CA12: variants seen among roughly 807,000 people sequenced by gnomAD.
The protein encoded by CA12 is carbonic anhydrase 12.
Under a neutral mutation model 46.8 loss-of-function variants are expected in CA12, and 36 were observed. That is an observed-to-expected ratio of 0.77 (90% CI 0.59 to 1.02). CA12 has a LOEUF of 1.02. Ranked by LOEUF, CA12 falls within the 50% of genes least tolerant of loss-of-function variation. CA12 has a pLI of 0.00. For missense variants in CA12, 436 were observed against 451.4 expected, an observed-to-expected ratio of 0.97 and a Z score of 0.31; for synonymous variants, 202 against 187.0, an observed-to-expected ratio of 1.08 and a Z score of -0.65.
chr15:63,365,420 A>T (rs1323830901), intron 2 of CA12, among the ~76,000 whole-genome samples: 2 of 152,228 alleles, frequency 1.3e-5, no homozygotes, highest in Non-Finnish European at 2.9e-5. Context: ...AAGAGGCCCA[A>T]GTTCTGACTC....
rs575625791 is a variant in CA12, at chr15:63,340,635, C to G, written c.589+85G>C. On this transcript the variant is annotated intron_variant, in intron 6 of 10. Transcript: ENST00000178638. This position sits in a 1 kb window ranked among gnomAD's most constrained non-coding sequence, Gnocchi z 4.4. Reference sequence around the variant, plus strand: ...TGGTGAACACAGACAGCACCTGCCCCTTGTGTTTGCTTTTCTTAAAGTCAC... The same window carrying G: ...TGGTGAACACAGACAGCACCTGCCCGTTGTGTTTGCTTTTCTTAAAGTCAC... 6.8e-7 allele frequency: 1 copy of G among 1,467,402 alleles called. No homozygotes were observed. The highest frequency in any genetic ancestry group is 1.4e-5 in the African/African-American group (1 of 72,002). The allele number at this position is 1,467,402 out of a possible 1,614,324, so 90.9% of individuals were successfully genotyped here. A position where few individuals can be genotyped will look rare whatever the true frequency, so the allele number is the denominator to read the frequency against.
chr15:63,364,577 C>A (rs1355846861), intron 2 of CA12, among the ~76,000 whole-genome samples: 1 of 152,120 alleles, frequency 6.6e-6, no homozygotes, highest in Non-Finnish European at 1.5e-5. Flanking sequence ...GGGATGTGGG[C>A]GCTCCTCTTC....
chr15:63,324,680 C>T lies in CA12; in HGVS notation c.*1605G>A, dbSNP rs1158421701. 7.3e-6 allele frequency: 1 copy of T among 137,598 alleles called. No homozygotes were observed. The highest frequency in any genetic ancestry group is 8.0e-5 in the Admixed American group (1 of 12,572). The allele number at this position is 137,598 out of a possible 1,614,324, so 8.5% of individuals were successfully genotyped here. ...ATCGTTGTGAAAAGTTGTGATGGTA[C>T]AGAATAATTTTTTTTTTTTTTTTTT... On this transcript the variant is annotated 3_prime_UTR_variant, in exon 11 of 11. Transcript: ENST00000178638.
intron 8 of CA12, among the ~76,000 whole-genome samples, chr15:63,332,636 A>T (rs2038951102): frequency 6.6e-6 from 1 of 152,234 alleles, no homozygotes; most frequent in South Asian, 2.1e-4. Context: ...TTCCTCCCAG[A>T]CCTTCAAAAC....
At chr15:63,359,055 TTTG>T (rs1164765927) in intron 2 of CA12, among the ~76,000 whole-genome samples, 2 of 151,964 alleles carry the variant, frequency 1.3e-5, no homozygotes, top group African/African-American at 4.8e-5. Flanking sequence ...TCACGGTGGT[TTTG>T]TTGTTGGCCC....
At position 63,329,941 on chromosome 15, in the gene CA12, T is replaced by C. The variant is rs1469861023; in HGVS notation, c.875-1811A>G. Among the ~76,000 whole-genome samples, 1 of 152,230 alleles carries C rather than the reference T, an allele frequency of 6.6e-6. No homozygotes were observed. Among genetic ancestry groups the C allele is most frequent in the Non-Finnish European group, 1.5e-5 (1 of 68,030 alleles). On this transcript the variant is annotated intron_variant, in intron 8 of 10. Transcript: ENST00000178638. The surrounding 1 kb of genome is among the most constrained non-coding windows in gnomAD (Gnocchi z 4.8). ...TCACATTGAACCTGCAGAGCCTCCC[T>C]GGTCCAAGGCTGGGCCCTGGGGGTT...
Position 63,328,418 on chromosome 15 carries a change from C to G in CA12, c.875-288G>C, listed in dbSNP as rs1274060191. Among the ~76,000 whole-genome samples the G allele has an allele frequency of 6.6e-6, 1 of 150,946 alleles. No individual in the cohort carries two copies. The highest frequency in any genetic ancestry group is 1.5e-5 in the Non-Finnish European group (1 of 67,920). The stretch of plus-strand genomic sequence containing the variant: ...GTGGTGCGATCTTGGCTCACTTCAA[C>G]CTCCGCCTCCTGGGTTCAAGCAATT... On this transcript the variant is annotated intron_variant, in intron 8 of 10. Coordinates refer to ENST00000178638, the MANE Select transcript of CA12 (RefSeq NM_001218.5). The surrounding 1 kb of genome is among the most constrained non-coding windows in gnomAD (Gnocchi z 5.9).
At chr15:63,361,834 C>T (rs147441595) in intron 2 of CA12, among the ~76,000 whole-genome samples, 67 of 152,318 alleles carry the variant, frequency 4.4e-4, no homozygotes, top group Middle Eastern at 3.4e-3. Flanking sequence ...TCAGGGAGCA[C>T]TGATCACACA....
chr15:63,381,620 C>T lies in CA12; in HGVS notation c.85+16G>A, dbSNP rs371177561. On this transcript the variant is annotated intron_variant, in intron 1 of 10. Transcript: ENST00000178638. ...GCGCTCAGGAGTGTTAGGAAAGAAG[C>T]AGGCGGAAACTTTACCGTTCACTGG... 106 of 1,605,798 alleles carry T rather than the reference C, an allele frequency of 6.6e-5. 3 individuals carry two copies. The Admixed American group carries it at 1.2e-3, about 18-fold the overall frequency.
At chr15:63,342,650 C>G (rs910114107) in intron 4 of CA12, among the ~76,000 whole-genome samples, 2 of 152,056 alleles carry the variant, frequency 1.3e-5, no homozygotes, top group African/African-American at 2.4e-5. Flanking sequence ...TGTCCAACTC[C>G]CTCTTCCCAT....
intron 1 of CA12, among the ~76,000 whole-genome samples, chr15:63,377,492 AAAG>A: frequency 6.6e-6 from 1 of 152,244 alleles, no homozygotes; most frequent in Middle Eastern, 3.4e-3. Flanking sequence ...TTTTTAAAAA[AAAG>A]CCGGTTTAAT....
chr15:63,363,832 T>A (rs938335838), intron 2 of CA12, among the ~76,000 whole-genome samples: 1 of 152,156 alleles, frequency 6.6e-6, no homozygotes, highest in African/African-American at 2.4e-5. Flanking sequence ...AAGGGATGGG[T>A]CGCTCCCTGC....
In CA12 at chr15:63,340,013, C is replaced by A. The variant is rs561490355; in HGVS notation, c.747+275G>T. 84 of 454,070 alleles carry A rather than the reference C, an allele frequency of 1.8e-4. 2 individuals are homozygous for A. The highest frequency in any genetic ancestry group is 1.7e-3 in the South Asian group (81 of 47,668). 28.1% of individuals were successfully genotyped at this position (454,070 alleles called of 1,614,324 possible). On this transcript the variant is annotated intron_variant, in intron 7 of 10. Coordinates refer to ENST00000178638, the MANE Select transcript of CA12 (RefSeq NM_001218.5). The surrounding 1 kb of genome is among the most constrained non-coding windows in gnomAD (Gnocchi z 4.4). ...CTCTCTCCTGCCTGGGAAGTGAATACCACCCAGCCACTGAGGATATATTAG... is the reference window on the plus strand; with the variant it reads ...CTCTCTCCTGCCTGGGAAGTGAATAACACCCAGCCACTGAGGATATATTAG...
In CA12 at chr15:63,340,415, A is replaced by G. The variant is rs377498869; in HGVS notation, c.620T>C (p.Ile207Thr). 8 of 1,614,042 alleles carry G rather than the reference A, an allele frequency of 5.0e-6. No individual in the cohort carries two copies. Among genetic ancestry groups the G allele is most frequent in the Non-Finnish European group, 6.8e-6 (8 of 1,180,042 alleles). Residue 207 changes from isoleucine (I) to threonine (T), a missense_variant, in exon 7 of 11, where the codon ATT becomes ACT. Ile to Thr is a moderately conservative substitution (Grantham distance 89). Coordinates refer to ENST00000178638, the MANE Select transcript of CA12 (RefSeq NM_001218.5). This position sits in a 1 kb window ranked among gnomAD's most constrained non-coding sequence, Gnocchi z 4.4. ...GQEAFVPGFN[I>T]EELLPERTAE... ...GGTCCTCTCCGGAAGCAGCTCTTCA[A>G]TGTTGAATCCCGGGACGAATGCTTC...
intron 2 of CA12, 136 bp from the exon 3 acceptor site, chr15:63,346,845 G>C: frequency 9.8e-7 from 1 of 1,017,068 alleles, no homozygotes; most frequent in Non-Finnish European, 1.5e-6. Flanking sequence ...TCAAGGCTCA[G>C]AGTCTTGGCC....
At position 63,328,992 on chromosome 15, in the gene CA12, C is replaced by A. The variant is rs72748932; in HGVS notation, c.875-862G>T. Among the ~76,000 whole-genome samples the A allele has an allele frequency of 6.6e-6, 1 of 152,164 alleles. No homozygotes were observed. Among genetic ancestry groups the A allele is most frequent in the Non-Finnish European group, 1.5e-5 (1 of 68,038 alleles). On this transcript the variant is annotated intron_variant, in intron 8 of 10. Coordinates refer to ENST00000178638, the MANE Select transcript of CA12 (RefSeq NM_001218.5). The surrounding 1 kb of genome is among the most constrained non-coding windows in gnomAD (Gnocchi z 5.9). ...TGGGGATTACAGGTGTGAGCCACGG[C>A]GCCCAGCCAAGATTTCAGTTTTTAA... is the stretch of plus-strand genomic sequence containing the variant.
chr15:63,381,542 G>A (rs12102208), intron 1 of CA12, 94 bp downstream of exon 1: 3 of 1,015,872 alleles, frequency 3.0e-6, no homozygotes, highest in South Asian at 2.7e-5. Context: ...CCTGCTCCCC[G>A]CAGCAATGAT....
rs1432460493 is a variant in CA12, at chr15:63,327,889, T to A, written c.907+209A>T. 6.6e-6 allele frequency among the ~76,000 whole-genome samples: 1 copy of A among 152,158 alleles called. No individual in the cohort carries two copies. Among genetic ancestry groups the A allele is most frequent in the Non-Finnish European group, 1.5e-5 (1 of 68,022 alleles). ...AGGTTCTTTGAATACACACATGCTG[T>A]AGAGTGATTGGATCTTTCATTAGAG... On this transcript the variant is annotated intron_variant, in intron 9 of 10. Coordinates refer to ENST00000178638, the MANE Select transcript of CA12 (RefSeq NM_001218.5). This position sits in a 1 kb window ranked among gnomAD's most constrained non-coding sequence, Gnocchi z 4.5.
Position 63,378,375 on chromosome 15 carries a change from G to A in CA12, c.86-2697C>T, listed in dbSNP as rs376803036. On this transcript the variant is annotated intron_variant, in intron 1 of 10. Coordinates refer to ENST00000178638, the MANE Select transcript of CA12 (RefSeq NM_001218.5). This position sits in a 1 kb window ranked among gnomAD's most constrained non-coding sequence, Gnocchi z 4.8. ...TGCACTCCAGAATGGGTGACAGAGC[G>A]AGACTCTGTCTCAAAAAAAAAATTT... Among the ~76,000 whole-genome samples, 7 of 151,936 alleles carry A rather than the reference G, an allele frequency of 4.6e-5. No homozygotes were observed. Among genetic ancestry groups the A allele is most frequent in the Admixed American group, 2.6e-4 (4 of 15,252 alleles).
Sources: gnomAD v4.1 joint callset for allele counts (sites outside exome capture counted in the v4.1 genomes callset) on GRCh38, gnomAD v4.1.1 for gene constraint, Gnocchi (gnomAD v3.1) non-coding constraint, MANE v1.5 for transcripts, NCBI Gene and HGNC (gene_info 2026-07-23, HGNC 2026-07-21) for gene names.